SH3GL2: variants seen among roughly 807,000 people sequenced by gnomAD.
SH3GL2 encodes the protein endophilin-A1.
SH3GL2 carries 24 observed loss-of-function variants against 46.0 expected under a neutral mutation model. The observed-to-expected ratio is 0.52, with a 90% CI of 0.38 to 0.73. The LOEUF is 0.73. SH3GL2 is among the 30% of genes least tolerant of loss of function. SH3GL2 has a pLI of 0.00. For synonymous variants in SH3GL2, 196 were observed against 147.1 expected (o/e 1.33, Z -2.40); for missense variants, 413 against 424.2 (o/e 0.97, Z 0.23).
At position 17,670,081 on chromosome 9, in the gene SH3GL2, C is replaced by A. The variant is rs151148269; in HGVS notation, c.46-76985C>A. On this transcript the variant is annotated intron_variant, in intron 1 of 8. Coordinates refer to ENST00000380607, the MANE Select transcript of SH3GL2 (RefSeq NM_003026.5). ...GGGTGCAAATCTCTGGAAGCCCCTA[C>A]CCCAATCTTTTATCATACAGGCAGG... 7.2e-5 allele frequency among the ~76,000 whole-genome samples: 11 copies of A among 152,178 alleles called. No homozygotes were observed. In the East Asian group the frequency reaches 1.9e-3, roughly 27 times the overall value.
At chr9:17,626,333 G>T (rs1166735760) in intron 1 of SH3GL2, among the ~76,000 whole-genome samples, 2 of 152,222 alleles carry the variant, frequency 1.3e-5, no homozygotes, top group Non-Finnish European at 2.9e-5. Flanking sequence ...AGGGACCTTT[G>T]TGAGGGACAG....
In SH3GL2 at chr9:17,787,420, G is replaced by C. The variant is rs746844223; in HGVS notation, c.372G>C (p.Leu124=). 6.2e-7 allele frequency: 1 copy of C among 1,612,730 alleles called. No individual in the cohort carries two copies. Among genetic ancestry groups the C allele is most frequent in the Non-Finnish European group, 8.5e-7 (1 of 1,178,850 alleles). ...AGGTCGGGGAGGCCATGCGGGAACT[G>C]TCGGAGGTCAAAGACTCTTTGGACA... The part of the protein sequence containing the change: ...LGEVGEAMRE[L]SEVKDSLDIE... The change falls in exon 5 of 9, where the codon CTG becomes CTC. Residue 124 remains leucine, a synonymous_variant. Coordinates refer to ENST00000380607, the MANE Select transcript of SH3GL2 (RefSeq NM_003026.5).
chr9:17,726,589 C>A (rs1007704763), intron 1 of SH3GL2, among the ~76,000 whole-genome samples: 1 of 151,922 alleles, frequency 6.6e-6, no homozygotes. Flanking sequence ...ACACGACACA[C>A]GAATAAGAAG....
intron 1 of SH3GL2, among the ~76,000 whole-genome samples, chr9:17,638,570 A>G (rs1328647249): frequency 1.3e-5 from 2 of 152,188 alleles, no homozygotes; most frequent in African/African-American, 4.8e-5. Context: ...CCCTTTGAGA[A>G]ATGATGTATA....
intron 1 of SH3GL2, among the ~76,000 whole-genome samples, chr9:17,671,965 C>T (rs1820485820): frequency 6.6e-6 from 1 of 152,072 alleles, no homozygotes; most frequent in Admixed American, 6.5e-5. Context: ...CAAATGAAAC[C>T]ATACCAGTAA....
chr9:17,743,065 G>A (rs1288351223), intron 1 of SH3GL2, among the ~76,000 whole-genome samples: 1 of 152,190 alleles, frequency 6.6e-6, no homozygotes, highest in South Asian at 2.1e-4. Context: ...ACAGTACCAG[G>A]TAAGGAGAAA....
chr9:17,586,144 C>CT (rs796075562), intron 1 of SH3GL2, among the ~76,000 whole-genome samples: 18 of 152,284 alleles, frequency 1.2e-4, no homozygotes, highest in African/African-American at 4.3e-4. Context: ...AATAATTTCA[C>CT]TATTTATAAA....
At chr9:17,635,429 C>G (rs1228780600) in intron 1 of SH3GL2, among the ~76,000 whole-genome samples, 2 of 152,054 alleles carry the variant, frequency 1.3e-5, no homozygotes, top group Non-Finnish European at 2.9e-5. Context: ...TAGAGACCTT[C>G]AAAGAATATT....
intron 1 of SH3GL2, among the ~76,000 whole-genome samples, chr9:17,675,959 A>G (rs973139314): frequency 3.9e-5 from 6 of 152,342 alleles, no homozygotes; most frequent in African/African-American, 1.2e-4. Context: ...AAATAAAAAA[A>G]TAAAAAAAAT....
chr9:17,678,799 G>C (rs200741064), intron 1 of SH3GL2, among the ~76,000 whole-genome samples: 15 of 152,122 alleles, frequency 9.9e-5, no homozygotes, highest in Admixed American at 3.9e-4. Flanking sequence ...ATCTTGAATT[G>C]ATTTTTGTAT....
intron 1 of SH3GL2, among the ~76,000 whole-genome samples, chr9:17,706,404 C>A (rs550649122): frequency 6.6e-6 from 1 of 152,088 alleles, no homozygotes; most frequent in Non-Finnish European, 1.5e-5. Flanking sequence ...GATGCTAGCA[C>A]CTCTTCATGA....
chr9:17,740,301 C>T (rs1328906022), intron 1 of SH3GL2, among the ~76,000 whole-genome samples: 1 of 152,036 alleles, frequency 6.6e-6, no homozygotes, highest in African/African-American at 2.4e-5. Flanking sequence ...CTGAGAAAGA[C>T]TGCTGTGAGA....
chr9:17,703,760 A>G (rs1362918341), intron 1 of SH3GL2, among the ~76,000 whole-genome samples: 1 of 152,144 alleles, frequency 6.6e-6, no homozygotes, highest in African/African-American at 2.4e-5. Flanking sequence ...GCATCCGTTC[A>G]TGTTAAAAAC....
At chr9:17,682,176 G>A (rs1417689592) in intron 1 of SH3GL2, among the ~76,000 whole-genome samples, 2 of 152,096 alleles carry the variant, frequency 1.3e-5, no homozygotes, top group South Asian at 2.1e-4. Context: ...TCTACAACCA[G>A]AACTACCGTT....
chr9:17,708,570 A>G (rs1821535819), intron 1 of SH3GL2, among the ~76,000 whole-genome samples: 1 of 151,994 alleles, frequency 6.6e-6, no homozygotes, highest in Non-Finnish European at 1.5e-5. Flanking sequence ...ATTGCGTTAT[A>G]CTTTATTTAT....
At chr9:17,783,544 C>G (rs1163180633) in intron 3 of SH3GL2, among the ~76,000 whole-genome samples, 1 of 151,974 alleles carries the variant, frequency 6.6e-6, no homozygotes, top group Non-Finnish European at 1.5e-5. Flanking sequence ...GAAAGCTCGT[C>G]AGGGATGCTA....
At chr9:17,792,817 A>G (rs1053819603) in intron 7 of SH3GL2, among the ~76,000 whole-genome samples, 4 of 152,162 alleles carry the variant, frequency 2.6e-5, no homozygotes, top group Non-Finnish European at 5.9e-5. Context: ...CACTTTGTAG[A>G]TATCTCTGAC....
At chr9:17,648,767 A>G (rs1819886599) in intron 1 of SH3GL2, among the ~76,000 whole-genome samples, 1 of 152,346 alleles carries the variant, frequency 6.6e-6, no homozygotes, top group South Asian at 2.1e-4. Context: ...GAAATGTTCA[A>G]AAGAGTTTCC....
At chr9:17,673,015 C>A (rs72715404) in intron 1 of SH3GL2, among the ~76,000 whole-genome samples, 3 of 152,114 alleles carry the variant, frequency 2.0e-5, no homozygotes, top group South Asian at 4.1e-4. Flanking sequence ...CAGTATCACT[C>A]GGCTCTTTGA....
Sources: gnomAD v4.1 joint callset for allele counts (sites outside exome capture counted in the v4.1 genomes callset) on GRCh38, gnomAD v4.1.1 for gene constraint, MANE v1.5 for transcripts, NCBI Gene and HGNC (gene_info 2026-07-23, HGNC 2026-07-21) for gene names.